MAPK12: variants seen among roughly 807,000 people sequenced by gnomAD.
The protein encoded by MAPK12 is MAP kinase 12.
A neutral mutation model predicts 49.1 loss-of-function variants in MAPK12; 49 were observed. The ratio of observed to expected loss-of-function variants is 1.00; its 90% confidence interval spans 0.79 to 1.27. The LOEUF (loss-of-function observed/expected upper bound fraction) is 1.27. Among genes scored for constraint, MAPK12 ranks in the 50% most tolerant of loss-of-function variants. MAPK12 has a pLI of 0.00. For missense variants in MAPK12, 554 were observed against 502.4 expected (o/e 1.10, Z -0.98); for synonymous variants, 251 against 209.7 (o/e 1.20, Z -1.70).
At chr22:50,258,586 C>T (rs2065177192) in intron 2 of MAPK12, among the ~76,000 whole-genome samples, 1 of 152,266 alleles carries the variant, frequency 6.6e-6, no homozygotes, top group Admixed American at 6.5e-5. Flanking sequence ...TCTGGGATGG[C>T]TCCGAACCAT....
intron 2 of MAPK12, among the ~76,000 whole-genome samples, chr22:50,260,651 G>A (rs1015000519): frequency 6.6e-6 from 1 of 152,188 alleles, no homozygotes; most frequent in African/African-American, 2.4e-5. Flanking sequence ...AGGGGCTCCT[G>A]AGGGTTCAAC....
intron 2 of MAPK12, 116 bp from the exon 3 acceptor site, chr22:50,258,417 C>T (rs2065175693): frequency 2.2e-6 from 2 of 890,108 alleles, no homozygotes; most frequent in East Asian, 5.1e-5. Context: ...TTGTCATGCC[C>T]CACTGTCCAA....
intron 11 of MAPK12, chr22:50,254,937 T>G: frequency 7.3e-7 from 1 of 1,368,588 alleles, no homozygotes; most frequent in Non-Finnish European, 9.5e-7. Context: ...AGAGGTCATC[T>G]CCACCAGGCC....
chr22:50,253,070 G>C lies in MAPK12; in HGVS notation c.*331C>G. On this transcript the variant is annotated 3_prime_UTR_variant, in exon 12 of 12. Coordinates refer to ENST00000215659, the MANE Select transcript of MAPK12 (RefSeq NM_002969.6). ...CTGTCCTTCCTCTGCATGGCCCAGA[G>C]CAGGCAGGGCTCAGAGGCCAAGGCC... 2.5e-6 allele frequency: 1 copy of C among 405,444 alleles called. No individual in the cohort carries two copies. Among genetic ancestry groups the C allele is most frequent in the Non-Finnish European group, 4.7e-6 (1 of 213,856 alleles). 25.1% of individuals were successfully genotyped at this position (405,444 alleles called of 1,614,324 possible). A position where few individuals can be genotyped will look rare whatever the true frequency, so the allele number is the denominator to read the frequency against.
In MAPK12 at chr22:50,255,234, G is replaced by A. The variant is rs1473497499; in HGVS notation, c.987C>T (p.Ser329=). 5.0e-6 allele frequency: 8 copies of A among 1,613,868 alleles called. No individual in the cohort carries two copies. The highest frequency in any genetic ancestry group is 5.9e-6 in the Non-Finnish European group (7 of 1,180,020). The change falls in exon 11 of 12, where the codon TCC becomes TCT. Residue 329 remains serine (S), a synonymous_variant. Transcript: ENST00000215659. Reference sequence around the variant, plus strand: ...CCAGTGTGCGGTCAACGTCGTCAAAGGAGTCATCATACTTCTGGACCTGGG... The same window carrying A: ...CCAGTGTGCGGTCAACGTCGTCAAAAGAGTCATCATACTTCTGGACCTGGG... ...DEPQVQKYDD[S]FDDVDRTLDE...
At position 50,261,230 on chromosome 22, in the gene MAPK12, G is replaced by C. The variant is rs1396750256; in HGVS notation, c.192C>G (p.Ser64=). The C allele has an allele frequency of 3.2e-6, 5 of 1,585,328 alleles. No homozygotes were observed. The highest frequency in any genetic ancestry group is 2.7e-5 in the African/African-American group (2 of 73,002). The part of the protein sequence containing the change: ...AIKKLYRPFQ[S]ELFAKRAYRE... ...GGTAGGCGCGCTTGGCGAACAGCTCGGACTGGAAAGGCCGATACAGCTTCT... is the reference window on the plus strand; with the variant it reads ...GGTAGGCGCGCTTGGCGAACAGCTCCGACTGGAAAGGCCGATACAGCTTCT... Residue 64 remains serine, a synonymous_variant, in exon 2 of 12, where the codon TCC becomes TCG. Coordinates refer to ENST00000215659, the MANE Select transcript of MAPK12 (RefSeq NM_002969.6).
rs1170973492 is a variant in MAPK12, at chr22:50,253,113, A to T, written c.*288T>A. 4.3e-6 allele frequency: 2 copies of T among 466,728 alleles called. No individual in the cohort carries two copies. The highest frequency in any genetic ancestry group is 4.0e-5 in the African/African-American group (2 of 50,542). 28.9% of individuals were successfully genotyped at this position (466,728 alleles called of 1,614,324 possible). A position where few individuals can be genotyped will look rare whatever the true frequency, so the allele number is the denominator to read the frequency against. On this transcript the variant is annotated 3_prime_UTR_variant, in exon 12 of 12. Transcript: ENST00000215659. ...CCAAGGCCTGATCTGGAGCCCCACCAGCTCTGAGGTTTCTGAGAGCACCGG... is the reference window on the plus strand; with the variant it reads ...CCAAGGCCTGATCTGGAGCCCCACCTGCTCTGAGGTTTCTGAGAGCACCGG...
At chr22:50,255,989 G>T in intron 7 of MAPK12, 96 bp downstream of exon 7, 1 of 1,498,546 alleles carries the variant, frequency 6.7e-7, no homozygotes, top group Non-Finnish European at 9.2e-7. Context: ...CAGCTCAACA[G>T]CCTCCCTGGG....
At position 50,260,223 on chromosome 22, in the gene MAPK12, G is replaced by GGGACGGGGCACTTTGCTGGT. The variant is rs148995310; in HGVS notation, c.255+924_255+943dup. Among the ~76,000 whole-genome samples the GGGACGGGGCACTTTGCTGGT allele has an allele frequency of 7.5e-4, 113 of 149,920 alleles. 1 individual carries two copies. The highest frequency in any genetic ancestry group is 1.4e-3 in the Non-Finnish European group (95 of 67,436). On this transcript the variant is annotated intron_variant, in intron 2 of 11. Transcript: ENST00000215659. Reference sequence around the variant, plus strand: ...GGGAGTAGCGGTGGCCAGGAACCGGGGGACGGGGCACTTTGCTGGTGGACG... The same window carrying GGGACGGGGCACTTTGCTGGT: ...GGGAGTAGCGGTGGCCAGGAACCGGGGGACGGGGCACTTTGCTGGTGGACGGGGCACTTTGCTGGTGGACG...
Position 50,256,086 on chromosome 22 carries a change from C to T in MAPK12, c.618G>A (p.Thr206=), listed in dbSNP as rs750831478. The T allele has an allele frequency of 2.9e-5, 47 of 1,611,072 alleles. No individual in the cohort carries two copies. Among genetic ancestry groups the T allele is most frequent in the African/African-American group, 4.0e-5 (3 of 74,892 alleles). ...VILNWMRYTQ[T]VDIWSVGCIM... is the part of the protein sequence containing the mutation. ...CCAGATCTCTGGGCAGCTTCTCACC[C>T]GTCTGCGTGTAGCGCATCCAATTCA... Residue 206 remains threonine, a splice_region_variant and synonymous_variant, in exon 7 of 12, where the codon ACG becomes ACA. Transcript: ENST00000215659.
At chr22:50,259,120 C>A (rs1197134747) in intron 2 of MAPK12, among the ~76,000 whole-genome samples, 1 of 152,134 alleles carries the variant, frequency 6.6e-6, no homozygotes, top group African/African-American at 2.4e-5. Context: ...GTCCTCCTGG[C>A]CGTGGTGTAG....
rs2065156574 is a variant in MAPK12 at position 50,256,934 on chromosome 22, C to T, written c.456+1G>A. ...TGAGCGGCTTCTCCACCGGGACTCA[C>T]TCTGTGGATGATGCCGGCAGCGTGG... On this transcript the variant is annotated splice_donor_variant, in intron 5 of 11. Transcript: ENST00000215659. LOFTEE classifies it high-confidence loss of function. 1.2e-6 allele frequency: 2 copies of T among 1,606,740 alleles called. No homozygotes were observed. Among genetic ancestry groups the T allele is most frequent in the Non-Finnish European group, 1.7e-6 (2 of 1,178,458 alleles).
At chr22:50,253,502 G>GAGGA in intron 11 of MAPK12, 22 bp from the exon 12 acceptor site, 1 of 171,686 alleles carries the variant, frequency 5.8e-6, no homozygotes, top group Non-Finnish European at 1.1e-5. Flanking sequence ...GGGGGGGCGG[G>GAGGA]CACAACAGAG....
Sources: allele counts gnomAD v4.1 joint callset (sites outside exome capture counted in the v4.1 genomes callset), GRCh38; gene constraint gnomAD v4.1.1; transcripts MANE v1.5; gene names NCBI Gene and HGNC (gene_info 2026-07-23, HGNC 2026-07-21).